Variants in GPHN observed in about 807,000 individuals in gnomAD.
The protein encoded by GPHN is gephyrin.
GPHN carries 17 observed loss-of-function variants against 95.5 expected under a neutral mutation model. The ratio of observed to expected loss-of-function variants is 0.18; its 90% confidence interval spans 0.12 to 0.27. GPHN has a LOEUF of 0.27. Ranked by LOEUF, GPHN falls within the 10% of genes least tolerant of loss-of-function variation. GPHN has a pLI of 1.00. For synonymous variants in GPHN, 320 were observed against 322.5 expected (o/e 0.99, Z 0.08); for missense variants, 660 against 978.1 (o/e 0.67, Z 4.34).
chr14:66,927,800 C>T (rs1462061191), intron 8 of GPHN, among the ~76,000 whole-genome samples: 2 of 152,040 alleles, frequency 1.3e-5, no homozygotes, highest in East Asian at 3.9e-4. Flanking sequence ...AGTGATCATA[C>T]GGTTTTTGTC....
At chr14:67,565,846 T>C in the GPHN span, among the ~76,000 whole-genome samples, 4 of 152,074 alleles carry the variant, frequency 2.6e-5, no homozygotes, top group African/African-American at 9.7e-5. Context: ...AAATCCGGGC[T>C]CAGTAGCTTA....
chr14:67,460,486 T>C, the GPHN span, among the ~76,000 whole-genome samples: 21 of 152,146 alleles, frequency 1.4e-4, no homozygotes, highest in African/African-American at 5.1e-4. Context: ...AGGTGAATCA[T>C]GAGGTCAGGA....
chr14:67,199,422 G>C, the GPHN span: 9 of 1,613,562 alleles, frequency 5.6e-6, no homozygotes, highest in Admixed American at 8.3e-5. Flanking sequence ...GATACTTTCA[G>C]CGCCTTTGGG....
At chr14:67,637,971 T>G in the GPHN span, among the ~76,000 whole-genome samples, 4 of 152,140 alleles carry the variant, frequency 2.6e-5, no homozygotes, top group East Asian at 7.7e-4. Flanking sequence ...TTCTCAATGC[T>G]TTCTTCCTCT....
At chr14:67,353,405 A>G in the GPHN span, among the ~76,000 whole-genome samples, 1 of 152,180 alleles carries the variant, frequency 6.6e-6, no homozygotes, top group African/African-American at 2.4e-5. Flanking sequence ...AATCCCAGCT[A>G]CAGGTGTAAG....
chr14:66,932,363 A>G (rs1194950133), intron 8 of GPHN, among the ~76,000 whole-genome samples: 1 of 145,992 alleles, frequency 6.8e-6, no homozygotes, highest in Middle Eastern at 3.5e-3. Flanking sequence ...GCCTGTGGCA[A>G]CTATTTTCTG....
At chr14:67,558,258 C>T in the GPHN span, among the ~76,000 whole-genome samples, 1 of 152,196 alleles carries the variant, frequency 6.6e-6, no homozygotes, top group Non-Finnish European at 1.5e-5. Context: ...AAACACCCCA[C>T]AGTCTGGACA....
chr14:66,674,509 T>C (rs898926235), intron 1 of GPHN, among the ~76,000 whole-genome samples: 5 of 152,220 alleles, frequency 3.3e-5, no homozygotes, highest in Non-Finnish European at 1.5e-5. Context: ...TCTCTACGTC[T>C]ATGACCTCTT....
chr14:67,033,428 G>T (rs150410706), intron 10 of GPHN, among the ~76,000 whole-genome samples: 1,829 of 152,086 alleles, frequency 0.012, 19 homozygotes, highest in Non-Finnish European at 0.018. Context: ...GCCAGGCCTG[G>T]TGGTGCACAC....
the GPHN span, among the ~76,000 whole-genome samples, chr14:67,693,992 C>T: frequency 6.6e-6 from 1 of 152,130 alleles, no homozygotes; most frequent in African/African-American, 2.4e-5. Context: ...TTGCCTTTTC[C>T]AAATGAATGA....
the GPHN span, among the ~76,000 whole-genome samples, chr14:67,267,910 A>G: frequency 1.3e-5 from 2 of 151,986 alleles, no homozygotes; most frequent in African/African-American, 2.4e-5. Flanking sequence ...GTCCTTTCTT[A>G]TTGCATTTTT....
At chr14:67,238,269 C>CTTTT in the GPHN span, among the ~76,000 whole-genome samples, 9 of 125,242 alleles carry the variant, frequency 7.2e-5, no homozygotes, top group Non-Finnish European at 9.8e-5. Flanking sequence ...TTCTTGCTTT[C>CTTTT]TTTTTTTTTT....
intron 1 of GPHN, among the ~76,000 whole-genome samples, chr14:66,541,329 G>GA (rs1238090588): frequency 2.6e-5 from 4 of 152,164 alleles, no homozygotes; most frequent in East Asian, 3.9e-4. Flanking sequence ...AGAAAGATAA[G>GA]AAAAATGGAA....
chr14:67,651,580 G>A, the GPHN span: 1 of 1,365,572 alleles, frequency 7.3e-7, no homozygotes, highest in Admixed American at 2.3e-5. Context: ...GATACTCTGA[G>A]GCTGTATGTT....
the GPHN span, chr14:67,693,093 C>T: frequency 7.0e-7 from 1 of 1,421,126 alleles, no homozygotes; most frequent in Non-Finnish European, 9.8e-7. Context: ...CTTCATTCTA[C>T]TGTCTCAGCC....
chr14:66,619,442 T>A (rs1355884963), intron 1 of GPHN, among the ~76,000 whole-genome samples: 1 of 151,950 alleles, frequency 6.6e-6, no homozygotes, highest in African/African-American at 2.4e-5. Flanking sequence ...ATTATAATTT[T>A]AATTTGCATT....
the GPHN span, among the ~76,000 whole-genome samples, chr14:67,391,269 A>ATGTGTGTGTGTGTG: frequency 2.2e-3 from 301 of 139,618 alleles, 3 homozygotes; most frequent in African/African-American, 8.6e-3. Context: ...TAAGCAGCTG[A>ATGTGTGTGTGTGTG]TATGTGTGTG....
the GPHN span, among the ~76,000 whole-genome samples, chr14:67,427,699 G>A: frequency 1.3e-5 from 2 of 152,150 alleles, no homozygotes; most frequent in Non-Finnish European, 2.9e-5. Context: ...GGCAGACAAC[G>A]ATTTAGTTTT....
At chr14:67,186,588 C>CA (rs1726833946), downstream of GPHN, among the ~76,000 whole-genome samples, 1 of 152,144 alleles carries the variant, frequency 6.6e-6, no homozygotes, top group Admixed American at 6.5e-5. Context: ...AGCCAGGACT[C>CA]AGCCCTCTGA....
Sources: gnomAD v4.1 joint callset for allele counts (sites outside exome capture counted in the v4.1 genomes callset) on GRCh38, gnomAD v4.1.1 for gene constraint, MANE v1.5 for transcripts, NCBI Gene and HGNC (gene_info 2026-07-23, HGNC 2026-07-21) for gene names.